The following SPTBN1 variants were observed in gnomAD, a reference collection of about 807,000 sequenced individuals.
SPTBN1 encodes the protein spectrin beta chain, non-erythrocytic 1.
SPTBN1 carries 32 observed loss-of-function variants against 266.4 expected under a neutral mutation model. The ratio of observed to expected loss-of-function variants is 0.12; its 90% CI spans 0.09 to 0.16. The LOEUF (loss-of-function observed/expected upper bound fraction) is 0.16, where lower values mean the gene tolerates loss of function less well. Ranked by LOEUF, SPTBN1 falls within the 10% of genes least tolerant of loss-of-function variation. The pLI is 1.00. For synonymous variants in SPTBN1, 1,336 were observed against 1,162.2 expected (o/e 1.15, Z -3.04); for missense variants, 2,296 against 3,067.1 (o/e 0.75, Z 5.94).
chr2:54,546,337 A>T (rs1023818926), intron 2 of SPTBN1: 27 of 152,192 alleles, frequency 1.8e-4, no homozygotes, highest in African/African-American at 6.0e-4. Flanking sequence ...AGGATAGTTG[A>T]TGATGGGGGT....
In SPTBN1 at chr2:54,649,775, C is replaced by T; in HGVS notation, c.5363C>T (p.Ala1788Val). ...EWKDGLNEAW[A>V]DLLELIDTRT... ...AAGGATGGCCTCAATGAAGCCTGGG[C>T]CGACCTCCTGGAGCTCATTGACACA... is the stretch of plus-strand genomic sequence containing the variant. The change falls in exon 26 of 36, where the codon GCC becomes GTC. Residue 1788 changes from alanine (A) to valine (V), a missense_variant. Around this residue, in one of 12 missense-constraint regions of SPTBN1, gnomAD observed 644 missense variants for 745.3 expected, o/e 0.86. Coordinates refer to ENST00000356805, the MANE Select transcript of SPTBN1 (RefSeq NM_003128.3). The surrounding 1 kb of genome is among the most constrained non-coding windows in gnomAD (Gnocchi z 6.7). 1 of 1,614,158 alleles carries T rather than the reference C, an allele frequency of 6.2e-7. No homozygotes were observed. Among genetic ancestry groups the T allele is most frequent in the Non-Finnish European group, 8.5e-7 (1 of 1,180,022 alleles).
chr2:54,585,528 G>T (rs746472828), intron 2 of SPTBN1, among the ~76,000 whole-genome samples: 5 of 152,180 alleles, frequency 3.3e-5, no homozygotes, highest in Non-Finnish European at 5.9e-5. Flanking sequence ...ACCATTTTAT[G>T]TGTGAGGTTG....
At chr2:54,519,254 C>G (rs916509564) in intron 1 of SPTBN1, among the ~76,000 whole-genome samples, 4 of 152,156 alleles carry the variant, frequency 2.6e-5, no homozygotes, top group Non-Finnish European at 5.9e-5. Flanking sequence ...GTTATAAAGA[C>G]AGAATGATGG....
At chr2:54,478,338 T>C (rs1275419281) in intron 1 of SPTBN1, among the ~76,000 whole-genome samples, 2 of 152,084 alleles carry the variant, frequency 1.3e-5, no homozygotes, top group Non-Finnish European at 2.9e-5. Context: ...TTGTTTTTTT[T>C]CCTCACTCTT....
intron 1 of SPTBN1, among the ~76,000 whole-genome samples, chr2:54,472,119 C>T (rs906273138): frequency 4.7e-5 from 7 of 150,260 alleles, no homozygotes; most frequent in Admixed American, 4.0e-4. Context: ...GCTCCGCCTC[C>T]TGGGTTCACA....
intron 26 of SPTBN1, among the ~76,000 whole-genome samples, chr2:54,651,962 G>T (rs1401426557): frequency 3.3e-5 from 5 of 151,940 alleles, no homozygotes; most frequent in African/African-American, 1.2e-4. Flanking sequence ...TGCAATCAGG[G>T]GTCAGTAATC....
chr2:54,616,088 T>C (rs555547168), intron 4 of SPTBN1, 119 bp from the exon 5 acceptor site: 8 of 741,396 alleles, frequency 1.1e-5, no homozygotes, highest in Non-Finnish European at 1.7e-5. Context: ...GGGTAGATCG[T>C]CTGCAGGGCA....
intron 2 of SPTBN1, among the ~76,000 whole-genome samples, chr2:54,573,304 G>A (rs904413917): frequency 6.6e-6 from 1 of 152,154 alleles, no homozygotes; most frequent in Admixed American, 6.5e-5. Flanking sequence ...AGTTGGTTTC[G>A]TGATGAAACT....
At position 54,647,726 on chromosome 2, in the gene SPTBN1, C is replaced by G. The variant is rs574720125; in HGVS notation, c.4997+465C>G. Among the ~76,000 whole-genome samples the G allele has an allele frequency of 2.0e-5, 3 of 152,256 alleles. No homozygotes were observed. In the South Asian group the frequency reaches 6.2e-4, roughly 32 times the overall value. ...TGTGGTGGCACACGTCTGTACTACT[C>G]AGCTATTCAAGAGGCTGAGGTTGGG... is the stretch of plus-strand genomic sequence containing the variant. On this transcript the variant is annotated intron_variant, in intron 24 of 35. Transcript: ENST00000356805.
At chr2:54,644,065 A>G (rs939710286) in intron 19 of SPTBN1, among the ~76,000 whole-genome samples, 1 of 152,220 alleles carries the variant, frequency 6.6e-6, no homozygotes, top group Non-Finnish European at 1.5e-5. Flanking sequence ...TCACGTTATT[A>G]GCATTCAGTA....
At chr2:54,472,192 TA>T (rs1693964382) in intron 1 of SPTBN1, among the ~76,000 whole-genome samples, 4 of 151,988 alleles carry the variant, frequency 2.6e-5, no homozygotes, top group Admixed American at 2.6e-4. Flanking sequence ...CACGCCCAGC[TA>T]ATTTTTTGTA....
At chr2:54,648,911 C>T in intron 24 of SPTBN1, 75 bp from the exon 25 acceptor site, 4 of 1,350,242 alleles carry the variant, frequency 3.0e-6, no homozygotes, top group Middle Eastern at 3.6e-4. Flanking sequence ...ATTATCTCCA[C>T]CTCATTTGTT....
chr2:54,482,546 C>T (rs6545409), intron 1 of SPTBN1, among the ~76,000 whole-genome samples: 42,867 of 151,902 alleles, frequency 0.28, 6,424 homozygotes, highest in East Asian at 0.37. Context: ...AAAATTATGT[C>T]TCTGGCCTGT....
chr2:54,529,506 T>A, intron 2 of SPTBN1: 1 of 713,032 alleles, frequency 1.4e-6, no homozygotes, highest in South Asian at 1.3e-5. Flanking sequence ...ACACTGAGAC[T>A]CTGGAGGCCG....
At chr2:54,599,908 C>T (rs907022519) in intron 3 of SPTBN1, among the ~76,000 whole-genome samples, 13 of 152,316 alleles carry the variant, frequency 8.5e-5, no homozygotes, top group African/African-American at 2.9e-4. Context: ...AAGCTTAAAG[C>T]AGTCACTGTG....
chr2:54,650,477 A>C (rs1163529296), intron 26 of SPTBN1, among the ~76,000 whole-genome samples: 5 of 152,090 alleles, frequency 3.3e-5, no homozygotes, highest in Non-Finnish European at 7.3e-5. Context: ...ATATAACAGA[A>C]TCTAGTGTAA....
Position 54,670,746 on chromosome 2 carries a change from G to A in SPTBN1, c.*2177G>A, listed in dbSNP as rs1471062136. ...ATCGTGCACATAATTTCAACAGTTC[G>A]CAGATCTGTAGTTATGAAGCCAGGG... On this transcript the variant is annotated 3_prime_UTR_variant, in exon 36 of 36. Coordinates refer to ENST00000356805, the MANE Select transcript of SPTBN1 (RefSeq NM_003128.3). 2.5e-5 allele frequency: 10 copies of A among 398,482 alleles called. No individual in the cohort carries two copies. Among genetic ancestry groups the A allele is most frequent in the South Asian group, 1.3e-4 (1 of 7,844 alleles). 24.7% of individuals were successfully genotyped at this position (398,482 alleles called of 1,614,324 possible).
At chr2:54,472,761 G>C (rs1486651598) in intron 1 of SPTBN1, among the ~76,000 whole-genome samples, 4 of 152,050 alleles carry the variant, frequency 2.6e-5, no homozygotes, top group Non-Finnish European at 5.9e-5. Flanking sequence ...TGGGTGCTCT[G>C]AATATGACAT....
chr2:54,464,320 G>A (rs950224220), intron 1 of SPTBN1, among the ~76,000 whole-genome samples: 1 of 152,178 alleles, frequency 6.6e-6, no homozygotes, highest in Non-Finnish European at 1.5e-5. Context: ...CGCAACTGTA[G>A]GGTGGAATTC....
Sources: gnomAD v4.1 joint callset for allele counts (sites outside exome capture counted in the v4.1 genomes callset) on GRCh38, gnomAD v4.1.1 for gene constraint, gnomAD v4.1.1 regional missense constraint, Gnocchi (gnomAD v3.1) non-coding constraint, MANE v1.5 for transcripts, NCBI Gene and HGNC (gene_info 2026-07-23, HGNC 2026-07-21) for gene names.